The following BMAL1 variants were observed in gnomAD, a reference collection of about 807,000 sequenced individuals.
BMAL1 encodes the protein basic helix-loop-helix ARNT-like protein 1.
chr11:13,369,476 C>A, the BMAL1 span: 1 of 954,126 alleles, frequency 1.0e-6, no homozygotes. Context: ...TCTGTTAAAG[C>A]CTAAACTTGG....
chr11:13,362,458 G>A, the BMAL1 span, among the ~76,000 whole-genome samples: 1 of 152,164 alleles, frequency 6.6e-6, no homozygotes, highest in Non-Finnish European at 1.5e-5. Context: ...TGTGTGACTT[G>A]TAGATCCAAT....
At chr11:13,278,477 G>C in the BMAL1 span, among the ~76,000 whole-genome samples, 1 of 152,214 alleles carries the variant, frequency 6.6e-6, no homozygotes, top group South Asian at 2.1e-4. Flanking sequence ...CTTCCCTTTC[G>C]GGAGCCCGCG....
the BMAL1 span, among the ~76,000 whole-genome samples, chr11:13,358,031 G>A: frequency 6.6e-6 from 1 of 152,208 alleles, no homozygotes; most frequent in Non-Finnish European, 1.5e-5. Context: ...GCTCCTCACA[G>A]ACCTCAGGGA....
At chr11:13,374,670 C>T in the BMAL1 span, among the ~76,000 whole-genome samples, 1 of 152,196 alleles carries the variant, frequency 6.6e-6, no homozygotes, top group Non-Finnish European at 1.5e-5. Flanking sequence ...CCACCTCTGC[C>T]ATCACCCTGG....
At chr11:13,296,484 T>C in the BMAL1 span, among the ~76,000 whole-genome samples, 1 of 152,248 alleles carries the variant, frequency 6.6e-6, no homozygotes, top group Non-Finnish European at 1.5e-5. Context: ...CTAGGAAGAC[T>C]CTTTGTTACT....
the BMAL1 span, among the ~76,000 whole-genome samples, chr11:13,348,964 A>G: frequency 6.6e-6 from 1 of 152,184 alleles, no homozygotes; most frequent in African/African-American, 2.4e-5. Context: ...TTTAAAATCT[A>G]AATTTTGCCA....
the BMAL1 span, among the ~76,000 whole-genome samples, chr11:13,332,062 C>T: frequency 6.6e-6 from 1 of 152,124 alleles, no homozygotes; most frequent in Non-Finnish European, 1.5e-5. Flanking sequence ...TGGCTACAGA[C>T]AGACAACCAA....
At chr11:13,292,749 A>G in the BMAL1 span, among the ~76,000 whole-genome samples, 13 of 152,066 alleles carry the variant, frequency 8.5e-5, no homozygotes, top group Non-Finnish European at 1.8e-4. Flanking sequence ...TCCCTAGTAG[A>G]TAGTGGTCCA....
the BMAL1 span, among the ~76,000 whole-genome samples, chr11:13,381,588 T>C: frequency 0.66 from 99,850 of 152,064 alleles, 33,540 homozygotes; most frequent in South Asian, 0.76. Context: ...GTTTCTCATT[T>C]TCTGCCAGGA....
At chr11:13,359,234 G>A in the BMAL1 span, among the ~76,000 whole-genome samples, 4 of 152,164 alleles carry the variant, frequency 2.6e-5, no homozygotes, top group Admixed American at 1.3e-4. Context: ...AATATATCAG[G>A]CATTTTAGTG....
At chr11:13,353,682 G>A in the BMAL1 span, among the ~76,000 whole-genome samples, 5 of 152,082 alleles carry the variant, frequency 3.3e-5, no homozygotes, top group Non-Finnish European at 5.9e-5. Flanking sequence ...GCCAGGTGTG[G>A]TGGTGTATGC....
chr11:13,299,043 G>A, the BMAL1 span, among the ~76,000 whole-genome samples: 1 of 152,220 alleles, frequency 6.6e-6, no homozygotes, highest in Admixed American at 6.5e-5. Context: ...GTGGCTGTGG[G>A]AGGTGGAAAG....
At chr11:13,312,904 C>T in the BMAL1 span, among the ~76,000 whole-genome samples, 3 of 152,152 alleles carry the variant, frequency 2.0e-5, no homozygotes, top group Admixed American at 1.3e-4. Flanking sequence ...GTGAAGCAGA[C>T]GTCTACATGT....
At chr11:13,360,555 C>T in the BMAL1 span, 1 of 729,254 alleles carries the variant, frequency 1.4e-6, no homozygotes. Context: ...TCAGGTCCCT[C>T]CCTTTATCTT....
chr11:13,312,905 G>A, the BMAL1 span, among the ~76,000 whole-genome samples: 9 of 152,188 alleles, frequency 5.9e-5, no homozygotes, highest in Non-Finnish European at 1.0e-4. Context: ...TGAAGCAGAC[G>A]TCTACATGTG....
At chr11:13,344,004 C>G in the BMAL1 span, among the ~76,000 whole-genome samples, 1 of 152,114 alleles carries the variant, frequency 6.6e-6, no homozygotes, top group Admixed American at 6.5e-5. Flanking sequence ...ATTTGGGTAC[C>G]CAAGGGCCAC....
At chr11:13,314,112 G>T in the BMAL1 span, among the ~76,000 whole-genome samples, 1 of 151,970 alleles carries the variant, frequency 6.6e-6, no homozygotes, top group Non-Finnish European at 1.5e-5. Flanking sequence ...ACCTGGAAAT[G>T]ACCTTCCTCC....
the BMAL1 span, among the ~76,000 whole-genome samples, chr11:13,362,687 C>T: frequency 2.0e-5 from 3 of 152,092 alleles, no homozygotes; most frequent in Admixed American, 6.6e-5. Context: ...CCATCCTTTT[C>T]GTAAAGATGT....
At chr11:13,280,249 C>T in the BMAL1 span, among the ~76,000 whole-genome samples, 1 of 152,190 alleles carries the variant, frequency 6.6e-6, no homozygotes, top group Non-Finnish European at 1.5e-5. Context: ...TGACTACTTA[C>T]GAGTTTGTCT....
Sources: gnomAD v4.1 joint callset for allele counts (sites outside exome capture counted in the v4.1 genomes callset) on GRCh38, gnomAD v4.1.1 for gene constraint, MANE v1.5 for transcripts, NCBI Gene and HGNC (gene_info 2026-07-23, HGNC 2026-07-21) for gene names.